HYDIN: variants seen among roughly 807,000 people sequenced by gnomAD.
The protein encoded by HYDIN is HYDIN axonemal central pair apparatus protein, also known as axonemal central pair apparatus protein HYDIN.
A neutral mutation model predicts 403.9 loss-of-function variants in HYDIN; 132 were observed. That is an observed-to-expected ratio of 0.33 (90% CI 0.28 to 0.38). The LOEUF is 0.38. Among genes scored for constraint, HYDIN ranks in the 10% least tolerant of loss-of-function variants. HYDIN has a pLI of 1.00. For missense variants in HYDIN, 2,827 were observed against 5,009.5 expected (o/e 0.56, Z 13.15); for synonymous variants, 1,202 against 1,891.7 (o/e 0.64, Z 9.46).
At chr16:71,028,154 G>T (rs904816132) in intron 19 of HYDIN, among the ~76,000 whole-genome samples, 2 of 151,608 alleles carry the variant, frequency 1.3e-5, no homozygotes, top group African/African-American at 2.4e-5. Context: ...CATGTGAAAA[G>T]CAATCCCATT....
chr16:70,876,092 T>A (rs1203448117), intron 62 of HYDIN, among the ~76,000 whole-genome samples: 7 of 151,290 alleles, frequency 4.6e-5, no homozygotes, highest in African/African-American at 1.5e-4. Flanking sequence ...AGTATAGAAA[T>A]CCAGCAAGGT....
intron 43 of HYDIN, 71 bp from the exon 44 acceptor site, chr16:70,938,826 G>A (rs1456419238): frequency 3.9e-6 from 6 of 1,558,170 alleles, no homozygotes; most frequent in Non-Finnish European, 1.7e-6. Context: ...TAAGCAGGCG[G>A]AGTAGGGTCT....
At chr16:70,947,601 T>G (rs1422984987) in intron 41 of HYDIN, among the ~76,000 whole-genome samples, 1 of 151,354 alleles carries the variant, frequency 6.6e-6, no homozygotes, top group Non-Finnish European at 1.5e-5. Flanking sequence ...ATTGGAATAG[T>G]TTCAGAAGGA....
In HYDIN at chr16:71,093,952, G is replaced by A; in HGVS notation, c.1328-17C>T. ...TTTCTCGGCCTAGAAAAACAATTCA[G>A]ACTTTATCATCCAAATGGTGCTTCA... On this transcript the variant is annotated splice_polypyrimidine_tract_variant and intron_variant, in intron 10 of 85. Coordinates refer to ENST00000393567, the MANE Select transcript of HYDIN (RefSeq NM_001270974.2). 6.2e-7 allele frequency: 1 copy of A among 1,612,830 alleles called. No homozygotes were observed. The highest frequency in any genetic ancestry group is 8.5e-7 in the Non-Finnish European group (1 of 1,179,328).
At chr16:70,850,903 T>C (rs1351722151) in intron 73 of HYDIN, among the ~76,000 whole-genome samples, 1 of 152,090 alleles carries the variant, frequency 6.6e-6, no homozygotes, top group Non-Finnish European at 1.5e-5. Flanking sequence ...ATCTGATCTT[T>C]GAAAAAGTCA....
rs137867202 is a variant in HYDIN at position 70,806,516 on chromosome 16, T to C, written c.*1064A>G. Reference sequence around the variant, plus strand: ...ACTTTTTGATTCAGTCGATCTGACATGGGGACTGAGAGTTTGACTTTTAAT... The same window carrying C: ...ACTTTTTGATTCAGTCGATCTGACACGGGGACTGAGAGTTTGACTTTTAAT... On this transcript the variant is annotated 3_prime_UTR_variant, in exon 86 of 86. Transcript: ENST00000393567. Among the ~76,000 whole-genome samples the C allele has an allele frequency of 4.9e-3, 745 of 152,284 alleles. 4 individuals carry two copies. Among genetic ancestry groups the C allele is most frequent in the South Asian group, 0.011 (53 of 4,824 alleles).
chr16:71,114,535 T>A (rs1319039565), intron 10 of HYDIN, among the ~76,000 whole-genome samples: 1 of 151,990 alleles, frequency 6.6e-6, no homozygotes, highest in Admixed American at 6.5e-5. Context: ...GAAACCAAGC[T>A]TTGGGTGATT....
chr16:70,986,366 T>C (rs932688134), intron 27 of HYDIN, among the ~76,000 whole-genome samples: 2 of 152,070 alleles, frequency 1.3e-5, no homozygotes, highest in African/African-American at 2.4e-5. Flanking sequence ...GAGGTCTGAC[T>C]GCTTCAAAGA....
chr16:71,002,097 A>T (rs2079735374), intron 23 of HYDIN, among the ~76,000 whole-genome samples: 1 of 152,128 alleles, frequency 6.6e-6, no homozygotes, highest in Non-Finnish European at 1.5e-5. Context: ...ATGTAGACTG[A>T]TCATCTGCAG....
rs1268483330 is a variant in HYDIN, at chr16:70,804,304, C to T, written c.*3276G>A. On this transcript the variant is annotated 3_prime_UTR_variant, in exon 86 of 86. Transcript: ENST00000393567. ...TATAGGACCAACACGTTTGTGTGCC[C>T]ACTGTGCAGTAACAGACCAATGCAC... Among the ~76,000 whole-genome samples, 1 of 152,174 alleles carries T rather than the reference C, an allele frequency of 6.6e-6. No homozygotes were observed. The highest frequency in any genetic ancestry group is 6.5e-5 in the Admixed American group (1 of 15,282).
At chr16:71,040,929 C>T (rs1374373319) in intron 18 of HYDIN, among the ~76,000 whole-genome samples, 1 of 145,628 alleles carries the variant, frequency 6.9e-6, no homozygotes, top group Non-Finnish European at 1.5e-5. Context: ...CCACGAAAAA[C>T]TTAAATCTGA....
chr16:71,062,521 G>C (rs2144276317), intron 16 of HYDIN, 188 bp from the exon 17 acceptor site: 1 of 538,382 alleles, frequency 1.9e-6, no homozygotes, highest in Non-Finnish European at 3.3e-6. Context: ...ATGTGCGTGA[G>C]GCCCAAAATT....
chr16:71,200,815 C>T (rs2087965089), intron 1 of HYDIN, among the ~76,000 whole-genome samples: 1 of 152,176 alleles, frequency 6.6e-6, no homozygotes, highest in Non-Finnish European at 1.5e-5. Flanking sequence ...GACTGGGAAA[C>T]TCACTATCAT....
chr16:71,212,881 T>A (rs2088671897), intron 1 of HYDIN, among the ~76,000 whole-genome samples: 2 of 152,038 alleles, frequency 1.3e-5, no homozygotes, highest in African/African-American at 2.4e-5. Context: ...AAAAGTCGTA[T>A]CTAGACTCAT....
At chr16:70,833,793 T>G in intron 79 of HYDIN, 94 bp downstream of exon 79, 1 of 818,704 alleles carries the variant, frequency 1.2e-6, no homozygotes, top group South Asian at 1.6e-5. Context: ...AGGACAGAAG[T>G]AAAAAGTGAT....
At chr16:71,143,263 G>C (rs1597875153) in intron 7 of HYDIN, among the ~76,000 whole-genome samples, 1 of 139,536 alleles carries the variant, frequency 7.2e-6, no homozygotes, top group Admixed American at 7.3e-5. Context: ...GGCCTCAGGG[G>C]GTCCCAAAGA....
chr16:70,950,504 C>T (rs909083853), intron 41 of HYDIN, among the ~76,000 whole-genome samples: 1 of 151,672 alleles, frequency 6.6e-6, no homozygotes, highest in Admixed American at 6.6e-5. Context: ...GTGATCCACC[C>T]ACCTCAGCCT....
intron 47 of HYDIN, among the ~76,000 whole-genome samples, chr16:70,911,954 T>C (rs1320071648): frequency 6.6e-6 from 1 of 151,388 alleles, no homozygotes; most frequent in Non-Finnish European, 1.5e-5. Context: ...TTTGTGTACA[T>C]TAATTTTGTA....
intron 1 of HYDIN, 87 bp from the exon 2 acceptor site, chr16:71,187,005 G>A (rs1388425418): frequency 3.7e-6 from 3 of 821,242 alleles, no homozygotes; most frequent in Non-Finnish European, 5.7e-6. Flanking sequence ...TTCAAATACA[G>A]GAAGGTTTAG....
Sources: allele counts gnomAD v4.1 joint callset (sites outside exome capture counted in the v4.1 genomes callset), GRCh38; gene constraint gnomAD v4.1.1; transcripts MANE v1.5; gene names NCBI Gene and HGNC (gene_info 2026-07-23, HGNC 2026-07-21).